Variants in MRPL48 observed in about 807,000 individuals in gnomAD.
The protein encoded by MRPL48 is large ribosomal subunit protein mL48.
A neutral mutation model predicts 32.9 loss-of-function variants in MRPL48; 16 were observed. The observed-to-expected ratio is 0.49, with a 90% CI of 0.33 to 0.74. The LOEUF is 0.74. Ranked by LOEUF, MRPL48 falls within the 30% of genes least tolerant of loss-of-function variation. MRPL48 has a pLI of 0.02. For synonymous variants in MRPL48, 94 were observed against 89.2 expected (o/e 1.05, Z -0.31); for missense variants, 206 against 245.3 (o/e 0.84, Z 1.07).
intron 4 of MRPL48, chr11:73,832,594 G>A (rs1948016473): frequency 6.3e-6 from 1 of 159,544 alleles, no homozygotes; most frequent in Non-Finnish European, 1.5e-5. Context: ...GAGTGGTGAG[G>A]GAGGAAGGGG....
rs78233614 is a variant in MRPL48 at position 73,851,245 on chromosome 11, A to C, written c.371+6269A>C. On this transcript the variant is annotated intron_variant, in intron 5 of 7. Transcript: ENST00000310614. ...AAAATTATACTTTCTTACTCATTAGATATTAGTATATTCCCATTTAACAGA... is the reference window on the plus strand; with the variant it reads ...AAAATTATACTTTCTTACTCATTAGCTATTAGTATATTCCCATTTAACAGA... The C allele has an allele frequency of 7.6e-3, 2,695 of 356,370 alleles. 74 individuals carry two copies. Among genetic ancestry groups the C allele is most frequent in the African/African-American group, 0.055 (2,544 of 46,374 alleles). The allele number at this position is 356,370 out of a possible 1,614,324, so 22.1% of individuals were successfully genotyped here. A position where few individuals can be genotyped will look rare whatever the true frequency, so the allele number is the denominator to read the frequency against.
At chr11:73,812,727 T>TAC (rs1235041121) in intron 3 of MRPL48, among the ~76,000 whole-genome samples, 31 of 135,990 alleles carry the variant, frequency 2.3e-4, no homozygotes, top group African/African-American at 6.6e-4. Flanking sequence ...AATATATATA[T>TAC]ATATATATAT....
At chr11:73,834,836 G>GT (rs71065042) in intron 4 of MRPL48, among the ~76,000 whole-genome samples, 21,716 of 137,078 alleles carry the variant, frequency 0.16, 1,736 homozygotes, top group South Asian at 0.34. Context: ...TGTCTGGCCT[G>GT]TTTTTTTTTT....
chr11:73,811,080 G>A (rs1947557601), intron 3 of MRPL48, among the ~76,000 whole-genome samples: 1 of 152,200 alleles, frequency 6.6e-6, no homozygotes. Flanking sequence ...AGCTGAGAAA[G>A]AGAGACCATA....
chr11:73,831,711 G>T (rs11235923), intron 4 of MRPL48, among the ~76,000 whole-genome samples: 21,329 of 151,832 alleles, frequency 0.14, 2,015 homozygotes, highest in Non-Finnish European at 0.21. Context: ...GAGGCCGAGG[G>T]GGGAGGATCA....
At chr11:73,794,570 A>AG (rs1947215058) in intron 1 of MRPL48, among the ~76,000 whole-genome samples, 1 of 151,802 alleles carries the variant, frequency 6.6e-6, no homozygotes, top group Admixed American at 6.6e-5. Flanking sequence ...AAAAAAAAAA[A>AG]AATTTAAATC....
intron 1 of MRPL48, among the ~76,000 whole-genome samples, chr11:73,800,911 A>C (rs1263019700): frequency 6.7e-6 from 1 of 148,826 alleles, no homozygotes; most frequent in Non-Finnish European, 1.5e-5. Flanking sequence ...TCCCGGGTTC[A>C]AGCCATTCTC....
chr11:73,810,175 T>C (rs1390498665), intron 3 of MRPL48, among the ~76,000 whole-genome samples: 1 of 152,236 alleles, frequency 6.6e-6, no homozygotes, highest in African/African-American at 2.4e-5. Flanking sequence ...TTCTTAAAAA[T>C]CAGACATCAT....
At chr11:73,864,024 T>C (rs1948628101) in intron 7 of MRPL48, among the ~76,000 whole-genome samples, 1 of 152,226 alleles carries the variant, frequency 6.6e-6, no homozygotes, top group Non-Finnish European at 1.5e-5. Flanking sequence ...AATGCTTCTA[T>C]TGTGATAGTT....
intron 3 of MRPL48, among the ~76,000 whole-genome samples, chr11:73,823,566 G>C (rs1458031973): frequency 6.6e-6 from 1 of 151,170 alleles, no homozygotes; most frequent in African/African-American, 2.4e-5. Context: ...TAACCACTAG[G>C]TTATAACACT....
At chr11:73,804,212 C>G (rs1947407929) in intron 1 of MRPL48, among the ~76,000 whole-genome samples, 1 of 151,750 alleles carries the variant, frequency 6.6e-6, no homozygotes, top group Admixed American at 6.6e-5. Flanking sequence ...GCCACCGTGC[C>G]CAGCCTATCA....
chr11:73,788,671 A>T (rs1473548608), intron 1 of MRPL48, among the ~76,000 whole-genome samples: 4 of 151,762 alleles, frequency 2.6e-5, no homozygotes, highest in Non-Finnish European at 5.9e-5. Flanking sequence ...ACGGGGTTTC[A>T]CTGTGTTGGC....
intron 5 of MRPL48, 102 bp downstream of exon 5, chr11:73,845,078 T>C: frequency 8.5e-7 from 1 of 1,181,770 alleles, no homozygotes; most frequent in South Asian, 1.8e-5. Context: ...GTAGTAAAAT[T>C]AACTCTTTTT....
intron 1 of MRPL48, among the ~76,000 whole-genome samples, chr11:73,791,769 A>G (rs967860373): frequency 6.6e-6 from 1 of 152,168 alleles, no homozygotes; most frequent in African/African-American, 2.4e-5. Flanking sequence ...ATCTGGCCTA[A>G]AGTAGGTACC....
intron 2 of MRPL48, among the ~76,000 whole-genome samples, chr11:73,807,378 C>T (rs1947472037): frequency 7.5e-6 from 1 of 132,872 alleles, no homozygotes; most frequent in South Asian, 2.5e-4. Flanking sequence ...CTTTATTTCC[C>T]TTCCATCTTC....
At position 73,820,052 on chromosome 11, in the gene MRPL48, T is replaced by G. The variant is rs115353207; in HGVS notation, c.113-5656T>G. 5.5e-3 allele frequency among the ~76,000 whole-genome samples: 841 copies of G among 152,244 alleles called. 7 individuals carry two copies. Among genetic ancestry groups the G allele is most frequent in the African/African-American group, 0.017 (715 of 41,540 alleles). ...GGATGTTGGAGGGTGTAGGTGCAGA[T>G]CAACAACTTAGCGGGGGCTACCAAT... On this transcript the variant is annotated intron_variant, in intron 3 of 7. Coordinates refer to ENST00000310614, the MANE Select transcript of MRPL48 (RefSeq NM_016055.6).
At position 73,863,179 on chromosome 11, in the gene MRPL48, G is replaced by A. The variant is rs202232453; in HGVS notation, c.482G>A (p.Gly161Asp). The A allele has an allele frequency of 1.3e-6, 2 of 1,582,142 alleles. No homozygotes were observed. The highest frequency in any genetic ancestry group is 2.3e-5 in the East Asian group (1 of 43,782). The change falls in exon 7 of 8, where the codon GGT becomes GAT. Residue 161 changes from glycine to aspartate, a missense_variant. Transcript: ENST00000310614. ...TTHERVVQIS[G>D]LSATFAEIFL... ...CCTTCTTTCATTTTGCAGATCAGCG[G>A]TTTGAGTGCTACGTTTGCAGAAATT...
chr11:73,817,070 G>C (rs899928208), intron 3 of MRPL48, among the ~76,000 whole-genome samples: 1 of 151,866 alleles, frequency 6.6e-6, no homozygotes, highest in South Asian at 2.1e-4. Context: ...GACCTCAGGT[G>C]GTTCACCCGC....
intron 5 of MRPL48, chr11:73,851,192 C>T: frequency 2.3e-6 from 1 of 438,158 alleles, no homozygotes. Flanking sequence ...TTCACACCGC[C>T]ACTGGGTGCC....
Sources: gnomAD v4.1 joint callset for allele counts (sites outside exome capture counted in the v4.1 genomes callset) on GRCh38, gnomAD v4.1.1 for gene constraint, MANE v1.5 for transcripts, NCBI Gene and HGNC (gene_info 2026-07-23, HGNC 2026-07-21) for gene names.